KAZN: variants seen among roughly 807,000 people sequenced by gnomAD.
KAZN encodes kazrin.
A neutral mutation model predicts 87.4 loss-of-function variants in KAZN; 40 were observed. The observed-to-expected ratio is 0.46, with a 90% CI of 0.36 to 0.60. KAZN has a LOEUF of 0.60. Among genes scored for constraint, KAZN ranks in the 20% least tolerant of loss-of-function variants. The pLI, the probability that KAZN is intolerant of heterozygous loss-of-function variation, is 0.00. For missense variants in KAZN, 898 were observed against 1,073.9 expected (o/e 0.84, Z 2.29); for synonymous variants, 466 against 458.3 (o/e 1.02, Z -0.22).
intron 1 of KAZN, among the ~76,000 whole-genome samples, chr1:14,872,819 G>T (rs1652291191): frequency 6.6e-6 from 1 of 152,024 alleles, no homozygotes; most frequent in Non-Finnish European, 1.5e-5. Flanking sequence ...CAGATGGATG[G>T]GTGGAAGGAC....
chr1:14,883,318 A>AAGAAAG lies in KAZN; in HGVS notation c.227-77363_227-77362insAAGAGA, dbSNP rs1266778797. On this transcript the variant is annotated intron_variant, in intron 1 of 14. Transcript: ENST00000376030. ...CTCAAAAGAAAGAAAGAAAGAAAGAAAGAGAGAGAGAGAGAGAGAGAGAGA... is the reference window on the plus strand; with the variant it reads ...CTCAAAAGAAAGAAAGAAAGAAAGAAAGAAAGAGAGAGAGAGAGAGAGAGAGAGAGA... 1.3e-3 allele frequency among the ~76,000 whole-genome samples: 50 copies of AAGAAAG among 38,586 alleles called. 3 individuals are homozygous for AAGAAAG. The highest frequency in any genetic ancestry group is 1.5e-3 in the Admixed American group (4 of 2,744). 25.3% of individuals were successfully genotyped at this position (38,586 alleles called of 152,430 possible).
intron 1 of KAZN, among the ~76,000 whole-genome samples, chr1:14,847,646 C>T (rs943980013): frequency 6.6e-6 from 1 of 152,206 alleles, no homozygotes; most frequent in African/African-American, 2.4e-5. Context: ...ATGCCAGGGA[C>T]ATTATCTGTT....
chr1:14,491,558 A>G (rs904377137), intron 2 of KAZN, among the ~76,000 whole-genome samples: 20 of 152,210 alleles, frequency 1.3e-4, no homozygotes, highest in East Asian at 3.8e-4. Flanking sequence ...GATTTTAATG[A>G]GAATACCTTC....
chr1:14,549,613 C>CTTTTTTTT (rs5772587), intron 2 of KAZN, among the ~76,000 whole-genome samples: 1 of 135,202 alleles, frequency 7.4e-6, no homozygotes. Context: ...CAGGCAACCC[C>CTTTTTTTT]TTTTTTTTTT....
intron 1 of KAZN, among the ~76,000 whole-genome samples, chr1:14,827,803 T>C (rs529602398): frequency 7.9e-5 from 12 of 152,342 alleles, no homozygotes; most frequent in East Asian, 7.7e-4. Flanking sequence ...GTCTATGGGA[T>C]TGAGAAACTC....
At chr1:14,364,578 A>G (rs540461668) in intron 2 of KAZN, among the ~76,000 whole-genome samples, 1 of 152,322 alleles carries the variant, frequency 6.6e-6, no homozygotes, top group South Asian at 2.1e-4. Flanking sequence ...CTAGAAAAAC[A>G]TGACCACCAT....
intron 1 of KAZN, among the ~76,000 whole-genome samples, chr1:14,767,335 C>T (rs1644910958): frequency 6.6e-6 from 1 of 152,154 alleles, no homozygotes; most frequent in Non-Finnish European, 1.5e-5. Flanking sequence ...GGGAGGGGCT[C>T]CTCTGCAAAT....
intron 1 of KAZN, among the ~76,000 whole-genome samples, chr1:13,913,607 C>T (rs547246814): frequency 1.7e-4 from 26 of 152,304 alleles, no homozygotes; most frequent in African/African-American, 5.3e-4. Context: ...ATCTGGTTCT[C>T]TTCTGGCCTC....
chr1:14,773,763 C>T lies in KAZN; in HGVS notation c.226+174540C>T, dbSNP rs530218720. On this transcript the variant is annotated intron_variant, in intron 1 of 14. Transcript: ENST00000376030. The surrounding 1 kb of genome is among the most constrained non-coding windows in gnomAD (Gnocchi z 5.9). ...CTGTGGCCTGGGCTTCCGGGGCTGCCATCTCTAATGAACTCAGCCTTCCTG... is the reference window on the plus strand; with the variant it reads ...CTGTGGCCTGGGCTTCCGGGGCTGCTATCTCTAATGAACTCAGCCTTCCTG... Among the ~76,000 whole-genome samples, 15 of 152,268 alleles carry T rather than the reference C, an allele frequency of 9.9e-5. No individual in the cohort carries two copies. Among genetic ancestry groups the T allele is most frequent in the East Asian group, 1.9e-4 (1 of 5,160 alleles).
chr1:14,480,675 CTATATATAATATATAAAA>C (rs1669029220), intron 2 of KAZN, among the ~76,000 whole-genome samples: 1 of 140,160 alleles, frequency 7.1e-6, no homozygotes, highest in Non-Finnish European at 1.5e-5. Flanking sequence ...AATATATAAA[CTATATATAATATATAAAA>C]TATATATTTT....
chr1:14,227,554 G>A (rs1444828047), intron 2 of KAZN, among the ~76,000 whole-genome samples: 1 of 152,100 alleles, frequency 6.6e-6, no homozygotes, highest in Non-Finnish European at 1.5e-5. Context: ...CTAAGGACAA[G>A]TATCCCAGCA....
intron 8 of KAZN, among the ~76,000 whole-genome samples, chr1:15,090,363 C>T (rs1016801882): frequency 2.6e-5 from 4 of 152,246 alleles, no homozygotes; most frequent in African/African-American, 9.6e-5. Context: ...CGGGGGCTCT[C>T]AGCTCTTTCC....
At chr1:14,477,304 G>C (rs1014833075) in intron 2 of KAZN, among the ~76,000 whole-genome samples, 4 of 152,238 alleles carry the variant, frequency 2.6e-5, no homozygotes, top group Admixed American at 2.6e-4. Flanking sequence ...CGCCATGATT[G>C]TGAAGCCTCC....
chr1:14,147,045 T>C (rs761696685), intron 1 of KAZN, among the ~76,000 whole-genome samples: 1 of 152,246 alleles, frequency 6.6e-6, no homozygotes, highest in Non-Finnish European at 1.5e-5. Context: ...ATTTAATGAA[T>C]AGTAAATATA....
intron 2 of KAZN, among the ~76,000 whole-genome samples, chr1:14,185,271 C>T (rs1646280146): frequency 3.3e-5 from 5 of 152,144 alleles, no homozygotes; most frequent in Admixed American, 3.3e-4. Context: ...ACATTAGAAC[C>T]AGGGAAAACA....
At chr1:15,049,621 G>A (rs1674084147) in intron 4 of KAZN, among the ~76,000 whole-genome samples, 1 of 152,212 alleles carries the variant, frequency 6.6e-6, no homozygotes, top group African/African-American at 2.4e-5. Context: ...GTCTGGGCCT[G>A]GGCTGTTTGA....
chr1:14,726,836 G>A (rs908384689), intron 1 of KAZN, among the ~76,000 whole-genome samples: 7 of 152,148 alleles, frequency 4.6e-5, no homozygotes, highest in African/African-American at 1.7e-4. Flanking sequence ...ATTGCAACAC[G>A]CCCTCCAGGT....
chr1:14,545,668 TA>T (rs1673095030), intron 2 of KAZN, among the ~76,000 whole-genome samples: 1 of 152,124 alleles, frequency 6.6e-6, no homozygotes, highest in Non-Finnish European at 1.5e-5. Context: ...CTCAGTGGCT[TA>T]AAAAAACAAA....
intron 2 of KAZN, among the ~76,000 whole-genome samples, chr1:14,514,621 A>ATATTTTATATTTTTTTTATATTT (rs1557770581): frequency 2.3e-5 from 1 of 43,740 alleles, no homozygotes; most frequent in East Asian, 4.4e-4. Flanking sequence ...ATATATATAT[A>ATATTTTATATTTTTTTTATATTT]TATATATATA....
Sources: allele counts gnomAD v4.1 joint callset (sites outside exome capture counted in the v4.1 genomes callset), GRCh38; gene constraint gnomAD v4.1.1; non-coding constraint Gnocchi (gnomAD v3.1); transcripts MANE v1.5; gene names NCBI Gene and HGNC (gene_info 2026-07-23, HGNC 2026-07-21).